Variants in DPH6 observed in about 807,000 individuals in gnomAD.
The protein encoded by DPH6 is diphthamine biosynthesis 6.
A neutral mutation model predicts 38.2 loss-of-function variants in DPH6; 33 were observed. The observed-to-expected ratio is 0.86, with a 90% CI of 0.65 to 1.15. DPH6 has a LOEUF of 1.15. Ranked by LOEUF, DPH6 falls within the 50% of genes most tolerant of loss-of-function variation. DPH6 has a pLI of 0.00. For synonymous variants in DPH6, 108 were observed against 103.0 expected, an observed-to-expected ratio of 1.05 and a Z score of -0.30; for missense variants, 325 against 320.0, an observed-to-expected ratio of 1.02 and a Z score of -0.12.
chr15:35,295,598 C>A (rs1328044635), intron 3 of DPH6, among the ~76,000 whole-genome samples: 1 of 152,166 alleles, frequency 6.6e-6, no homozygotes, highest in Non-Finnish European at 1.5e-5. Flanking sequence ...GATAATCCAT[C>A]TGACACTGTG....
chr15:35,427,646 C>T (rs1195430689), intron 5 of DPH6, among the ~76,000 whole-genome samples: 6 of 151,796 alleles, frequency 4.0e-5, no homozygotes, highest in Admixed American at 3.3e-4. Context: ...TCTCTCCATC[C>T]TATTAAACTT....
intron 3 of DPH6, among the ~76,000 whole-genome samples, chr15:35,294,331 C>T (rs1316217375): frequency 1.3e-5 from 2 of 152,134 alleles, no homozygotes; most frequent in Non-Finnish European, 2.9e-5. Context: ...TGCTGTTCCC[C>T]TAAATTTCCA....
chr15:35,232,532 G>A (rs2051525062), intron 3 of DPH6, among the ~76,000 whole-genome samples: 1 of 152,104 alleles, frequency 6.6e-6, no homozygotes, highest in Admixed American at 6.5e-5. Context: ...AGTGAGCTGA[G>A]ACCGCACCAC....
At chr15:35,304,233 T>G (rs1419639240) in intron 3 of DPH6, among the ~76,000 whole-genome samples, 1 of 152,126 alleles carries the variant, frequency 6.6e-6, no homozygotes, top group African/African-American at 2.4e-5. Context: ...CTCAAGATCA[T>G]GTACAGATTA....
intron 3 of DPH6, among the ~76,000 whole-genome samples, chr15:35,222,560 T>C (rs1031096886): frequency 1.5e-4 from 23 of 152,076 alleles, no homozygotes; most frequent in African/African-American, 4.8e-4. Flanking sequence ...AGGTCATCGG[T>C]AGATGAGAAA....
chr15:35,379,211 C>T (rs571526881), intron 7 of DPH6, among the ~76,000 whole-genome samples: 5 of 152,270 alleles, frequency 3.3e-5, no homozygotes, highest in African/African-American at 1.2e-4. Context: ...CCACATGGCC[C>T]CTCCCTCACC....
At chr15:35,173,857 G>A in the DPH6 span, among the ~76,000 whole-genome samples, 1 of 152,058 alleles carries the variant, frequency 6.6e-6, no homozygotes, top group African/African-American at 2.4e-5. Flanking sequence ...CTTTTACTGG[G>A]GAAGTCTTTG....
chr15:35,493,511 G>A (rs904612790), intron 3 of DPH6, among the ~76,000 whole-genome samples: 2 of 152,124 alleles, frequency 1.3e-5, no homozygotes, highest in African/African-American at 4.8e-5. Flanking sequence ...GGTTTAACAG[G>A]AGAAAGATGA....
chr15:35,198,842 A>C, the DPH6 span, among the ~76,000 whole-genome samples: 1 of 152,220 alleles, frequency 6.6e-6, no homozygotes, highest in Non-Finnish European at 1.5e-5. Flanking sequence ...TAAAAGTATA[A>C]ATGCATTCCT....
intron 3 of DPH6, among the ~76,000 whole-genome samples, chr15:35,486,094 C>G (rs1178221803): frequency 6.6e-6 from 1 of 152,180 alleles, no homozygotes; most frequent in Non-Finnish European, 1.5e-5. Flanking sequence ...CACAGTTCCA[C>G]TTTGTTGGGA....
intron 5 of DPH6, among the ~76,000 whole-genome samples, chr15:35,419,176 T>A (rs1478341327): frequency 6.6e-6 from 1 of 152,012 alleles, no homozygotes; most frequent in Non-Finnish European, 1.5e-5. Context: ...TCGAATTGTT[T>A]TGTGGGTAAA....
exon 4 of DPH6, chr15:35,218,300 G>A (rs186893802): frequency 2.2e-4 from 34 of 152,262 alleles, no homozygotes; most frequent in African/African-American, 8.2e-4. Context: ...TTTTCTAAGG[G>A]TGATTTAAGT....
At chr15:35,146,245 A>G in the DPH6 span, among the ~76,000 whole-genome samples, 15 of 152,310 alleles carry the variant, frequency 9.8e-5, no homozygotes, top group Non-Finnish European at 1.8e-4. Context: ...AAGAATTTTA[A>G]AAGTTCTCAC....
Position 35,372,175 on chromosome 15 carries a change from G to T in DPH6, c.779C>A (p.Thr260Lys), listed in dbSNP as rs1320201496. 2 of 1,519,930 alleles carry T rather than the reference G, an allele frequency of 1.3e-6. No homozygotes were observed. Among genetic ancestry groups the T allele is most frequent in the Non-Finnish European group, 1.8e-6 (2 of 1,137,082 alleles). The allele number at this position is 1,519,930 out of a possible 1,614,324, so 94.2% of individuals were successfully genotyped here. The change falls in exon 9 of 9, where the codon ACA becomes AAA. Residue 260 changes from threonine (T) to lysine (K), a missense_variant. Transcript: ENST00000256538. ...KVSSVPDNYR[T>K]SNYIYNF Reference sequence around the variant, plus strand: ...TCAAAAATTATATATATAATTAGATGTTCTGTAGTTGTCAGGCACTGAGGA... The same window carrying T: ...TCAAAAATTATATATATAATTAGATTTTCTGTAGTTGTCAGGCACTGAGGA...
chr15:35,267,955 G>T (rs554918914), intron 3 of DPH6, among the ~76,000 whole-genome samples: 2 of 152,110 alleles, frequency 1.3e-5, no homozygotes, highest in Non-Finnish European at 2.9e-5. Flanking sequence ...CAGATCATGA[G>T]GTCAGGAGAT....
At chr15:35,147,824 G>T in the DPH6 span, among the ~76,000 whole-genome samples, 2 of 152,280 alleles carry the variant, frequency 1.3e-5, no homozygotes, top group African/African-American at 4.8e-5. Flanking sequence ...TAATATAGAA[G>T]AACTAGAGTG....
the DPH6 span, among the ~76,000 whole-genome samples, chr15:35,194,650 G>A: frequency 1.3e-5 from 2 of 152,170 alleles, no homozygotes; most frequent in Admixed American, 6.5e-5. Flanking sequence ...ACTACATACA[G>A]GATTTTAAAA....
At chr15:35,320,567 T>C (rs191785444) in intron 3 of DPH6, among the ~76,000 whole-genome samples, 1 of 152,362 alleles carries the variant, frequency 6.6e-6, no homozygotes, top group Admixed American at 6.5e-5. Flanking sequence ...TACTACCCTA[T>C]AATTAAATAG....
At chr15:35,197,039 A>C in the DPH6 span, among the ~76,000 whole-genome samples, 247 of 152,334 alleles carry the variant, frequency 1.6e-3, 2 homozygotes, top group African/African-American at 5.7e-3. Flanking sequence ...GACCCAAACA[A>C]AGAATTCTAG....
Sources: allele counts gnomAD v4.1 joint callset (sites outside exome capture counted in the v4.1 genomes callset), GRCh38; gene constraint gnomAD v4.1.1; transcripts MANE v1.5; gene names NCBI Gene and HGNC (gene_info 2026-07-23, HGNC 2026-07-21).